Variants in EEF1G observed in about 807,000 individuals in gnomAD.
The protein encoded by EEF1G is eukaryotic translation elongation factor 1 gamma.
EEF1G carries 14 observed loss-of-function variants against 58.3 expected under a neutral mutation model. That is an observed-to-expected ratio of 0.24 (90% CI 0.16 to 0.38). The LOEUF (loss-of-function observed/expected upper bound fraction) is 0.38. Ranked by LOEUF, EEF1G falls within the 10% of genes least tolerant of loss-of-function variation. The pLI is 1.00. For synonymous variants in EEF1G, 180 were observed against 206.8 expected (o/e 0.87, Z 1.11); for missense variants, 322 against 550.1 (o/e 0.59, Z 4.15).
chr11:62,562,478 C>A (rs2134290478), intron 7 of EEF1G, among the ~76,000 whole-genome samples: 1 of 151,904 alleles, frequency 6.6e-6, no homozygotes, highest in African/African-American at 2.4e-5. Context: ...AGAGGATAAT[C>A]TTTTTTTTGT....
intron 5 of EEF1G, among the ~76,000 whole-genome samples, chr11:62,570,656 G>GT (rs2134296345): frequency 6.6e-6 from 1 of 152,258 alleles, no homozygotes; most frequent in South Asian, 2.1e-4. Context: ...CCAGATTCAA[G>GT]TGATTCTTGT....
In EEF1G at chr11:62,568,220, T is replaced by C. The variant is rs1424177563; in HGVS notation, c.523-692A>G. Among the ~76,000 whole-genome samples, 7 of 149,562 alleles carry C rather than the reference T, an allele frequency of 4.7e-5. No individual in the cohort carries two copies. In the East Asian group the frequency reaches 1.4e-3, roughly 30 times the overall value. ...TCCAGCCTGGGTGACAGAGTGACTC[T>C]GTCTCAAAAAAAAAAAAATTAGCTG... On this transcript the variant is annotated intron_variant, in intron 5 of 9. Transcript: ENST00000329251.
rs1189984641 is a variant in EEF1G, at chr11:62,572,579, C to A, written c.171+5G>T. The stretch of plus-strand genomic sequence containing the variant: ...CCGAAGGATGCTCCCCATCTCCCAA[C>A]TCACCTTGCCGGCAGGAAATTTGCG... On this transcript the variant is annotated splice_donor_5th_base_variant and intron_variant, in intron 2 of 9. Transcript: ENST00000329251. 1.2e-6 allele frequency: 2 copies of A among 1,611,958 alleles called. No individual in the cohort carries two copies. Among genetic ancestry groups the A allele is most frequent in the African/African-American group, 1.3e-5 (1 of 74,996 alleles).
At chr11:62,564,758 C>A (rs1401236842) in intron 7 of EEF1G, among the ~76,000 whole-genome samples, 8 of 75,042 alleles carry the variant, frequency 1.1e-4, no homozygotes, top group East Asian at 8.0e-4. Context: ...GACTCCATCT[C>A]AAAAAAAAAA....
chr11:62,564,185 A>G (rs1245841028), intron 7 of EEF1G, among the ~76,000 whole-genome samples: 1 of 152,200 alleles, frequency 6.6e-6, no homozygotes, highest in Admixed American at 6.5e-5. Flanking sequence ...TGGGGGAGCC[A>G]GGGGCGGTGG....
At chr11:62,569,009 T>G (rs948489142) in intron 5 of EEF1G, among the ~76,000 whole-genome samples, 1 of 151,220 alleles carries the variant, frequency 6.6e-6, no homozygotes, top group Non-Finnish European at 1.5e-5. Context: ...CAGAGGGCTA[T>G]CGAGGACTTT....
chr11:62,571,998 C>T (rs1453739236), intron 2 of EEF1G, 97 bp from the exon 3 acceptor site: 9 of 1,024,992 alleles, frequency 8.8e-6, no homozygotes, highest in Non-Finnish European at 1.0e-5. Context: ...TTATATAAGG[C>T]TGATGATTCT....
chr11:62,568,012 G>A (rs373612952), intron 5 of EEF1G, among the ~76,000 whole-genome samples: 12 of 150,746 alleles, frequency 8.0e-5, no homozygotes, highest in African/African-American at 2.7e-4. Flanking sequence ...GGCGGATCAC[G>A]AGGTCAGGAG....
rs3741241 is a variant in EEF1G at position 62,573,862 on chromosome 11, G to C, written c.-20C>G. The C allele has an allele frequency of 1.5e-4, 244 of 1,613,636 alleles. 3 individuals carry two copies. In the East Asian group the frequency reaches 4.5e-3, roughly 30 times the overall value. On this transcript the variant is annotated 5_prime_UTR_variant, in exon 1 of 10. Transcript: ENST00000329251. ...CGCCATGGTGATTCCGCAAAGAAAG[G>C]GGGTGGGGTTCTCGGCGCTGCCGCA...
intron 7 of EEF1G, among the ~76,000 whole-genome samples, chr11:62,563,750 C>T (rs115600501): frequency 4.0e-4 from 61 of 152,306 alleles, no homozygotes; most frequent in African/African-American, 1.4e-3. Context: ...CCCTGACCCT[C>T]CCCTCTCTTT....
At chr11:62,567,708 A>ATTTTT (rs71458421) in intron 5 of EEF1G, among the ~76,000 whole-genome samples, 180 bp from the exon 6 acceptor site, 1 of 143,480 alleles carries the variant, frequency 7.0e-6, no homozygotes, top group Non-Finnish European at 1.5e-5. Context: ...ATTTTTTTCA[A>ATTTTT]TTTTTTTTTT....
Position 62,567,374 on chromosome 11 carries a change from T to C in EEF1G, c.652+25A>G, listed in dbSNP as rs549342142. 7.9e-5 allele frequency: 126 copies of C among 1,594,466 alleles called. 1 individual carries two copies. The East Asian group carries it at 1.8e-3, about 23-fold the overall frequency. Reference sequence around the variant, plus strand: ...AAACCAGACCCTGATCCTGGCCATATGCCTCCCAGTCTCCTCAGACTCACC... The same window carrying C: ...AAACCAGACCCTGATCCTGGCCATACGCCTCCCAGTCTCCTCAGACTCACC... On this transcript the variant is annotated intron_variant, in intron 6 of 9. Transcript: ENST00000329251.
intron 7 of EEF1G, among the ~76,000 whole-genome samples, chr11:62,561,892 T>TA (rs1941501325): frequency 6.6e-6 from 1 of 152,140 alleles, no homozygotes; most frequent in Admixed American, 6.5e-5. Flanking sequence ...TACAAGACAC[T>TA]AAGGGCTCCT....
intron 7 of EEF1G, among the ~76,000 whole-genome samples, chr11:62,564,691 G>A: frequency 6.8e-6 from 1 of 147,348 alleles, no homozygotes; most frequent in East Asian, 2.0e-4. Flanking sequence ...CCCGGCAGGT[G>A]GAGGTTGCAG....
intron 5 of EEF1G, among the ~76,000 whole-genome samples, chr11:62,568,276 T>C (rs1941581593): frequency 6.7e-6 from 1 of 148,446 alleles, no homozygotes; most frequent in Non-Finnish European, 1.5e-5. Flanking sequence ...TAGTCCCAGC[T>C]ACTCCAGAGG....
chr11:62,571,143 T>A, intron 4 of EEF1G, 35 bp from the exon 5 acceptor site: 1 of 1,613,506 alleles, frequency 6.2e-7, no homozygotes, highest in Non-Finnish European at 8.5e-7. Flanking sequence ...CATCAGTGGG[T>A]ACCAATCCCT....
chr11:62,564,782 A>AAAAAAG (rs55778573), intron 7 of EEF1G, among the ~76,000 whole-genome samples: 5 of 141,794 alleles, frequency 3.5e-5, no homozygotes, highest in African/African-American at 1.0e-4. Flanking sequence ...AAAAAAAAAA[A>AAAAAAG]GGGGGCCAGG....
chr11:62,566,973 T>C lies in EEF1G; in HGVS notation c.690A>G (p.Thr230=), dbSNP rs770666889. 6.8e-6 allele frequency: 11 copies of C among 1,614,032 alleles called. No homozygotes were observed. Among genetic ancestry groups the C allele is most frequent in the Admixed American group, 3.3e-5 (2 of 60,024 alleles). ...KFAETQPKKD[T]PRKEKGSREE... ...CCCGTGAACCCTTCTCTTTCCGTGG[T>C]GTGTCCTTTTTAGGTTGGGTCTCTG... Residue 230 remains threonine, a synonymous_variant, in exon 7 of 10, where the codon ACA becomes ACG. Transcript: ENST00000329251.
chr11:62,560,238 T>C (rs546795603), intron 8 of EEF1G, 44 bp downstream of exon 8: 1 of 1,613,996 alleles, frequency 6.2e-7, no homozygotes, highest in South Asian at 1.1e-5. Context: ...ATCACAGCAC[T>C]TGCTACACCT....
Sources: gnomAD v4.1 joint callset for allele counts (sites outside exome capture counted in the v4.1 genomes callset) on GRCh38, gnomAD v4.1.1 for gene constraint, MANE v1.5 for transcripts, NCBI Gene and HGNC (gene_info 2026-07-23, HGNC 2026-07-21) for gene names.